SPAG9: variants seen among roughly 807,000 people sequenced by gnomAD.
SPAG9 encodes sperm associated antigen 9.
In SPAG9, 35 loss-of-function variants were observed where a neutral mutation model predicts 166.5. The observed-to-expected ratio is 0.21, with a 90% CI of 0.16 to 0.28. The LOEUF (loss-of-function observed/expected upper bound fraction) is 0.28, where lower values mean the gene tolerates loss of function less well. Ranked by LOEUF, SPAG9 falls within the 10% of genes least tolerant of loss-of-function variation. SPAG9 has a pLI of 1.00. For synonymous variants in SPAG9, 534 were observed against 565.5 expected, an observed-to-expected ratio of 0.94 and a Z score of 0.79; for missense variants, 1,235 against 1,603.3, an observed-to-expected ratio of 0.77 and a Z score of 3.92.
At chr17:51,046,722 T>TATC (rs2047034619) in intron 4 of SPAG9, 2 of 1,535,492 alleles carry the variant, frequency 1.3e-6, no homozygotes, top group Non-Finnish European at 1.7e-6. Flanking sequence ...GCCAAAGGGG[T>TATC]ATCTTTGTAG....
chr17:51,114,259 G>A (rs2049214891), intron 1 of SPAG9, among the ~76,000 whole-genome samples: 1 of 151,774 alleles, frequency 6.6e-6, no homozygotes, highest in Non-Finnish European at 1.5e-5. Context: ...CCTGGAAGGT[G>A]GGAGTTACAG....
chr17:51,097,086 C>A (rs574731320), intron 1 of SPAG9, among the ~76,000 whole-genome samples: 13 of 152,338 alleles, frequency 8.5e-5, no homozygotes, highest in African/African-American at 2.9e-4. Context: ...TGGTTTCATA[C>A]CTACGTAGTG....
chr17:50,968,798 T>TAC (rs1244645260), intron 29 of SPAG9, among the ~76,000 whole-genome samples: 2 of 152,200 alleles, frequency 1.3e-5, no homozygotes, highest in Non-Finnish European at 2.9e-5. Flanking sequence ...TACAAAGCAC[T>TAC]ACTCTTTCAC....
rs1010291106 is a variant in SPAG9 at position 51,114,342 on chromosome 17, A to T, written c.303+6012T>A. Among the ~76,000 whole-genome samples, 8 of 151,958 alleles carry T rather than the reference A, an allele frequency of 5.3e-5. No homozygotes were observed. In the East Asian group the frequency reaches 7.8e-4, roughly 15 times the overall value. On this transcript the variant is annotated intron_variant, in intron 1 of 29. Coordinates refer to ENST00000262013, the MANE Select transcript of SPAG9 (RefSeq NM_001130528.3). ...ACTCTGTCTCAAAAATAAATTTTTT[A>T]AAAAATGGGCCAGGCATGGTGGCTC...
chr17:50,974,571 G>A (rs147763127), intron 28 of SPAG9, among the ~76,000 whole-genome samples, 200 bp downstream of exon 28: 181 of 152,288 alleles, frequency 1.2e-3, no homozygotes, highest in African/African-American at 4.2e-3. Context: ...ATCTTTGGGG[G>A]TGGGAGAGAT....
chr17:51,068,959 G>A (rs1005057005), intron 2 of SPAG9, among the ~76,000 whole-genome samples: 8 of 152,074 alleles, frequency 5.3e-5, no homozygotes, highest in African/African-American at 1.9e-4. Flanking sequence ...GTTAGTGTTT[G>A]CAAAAACTAT....
rs549892729 is a variant in SPAG9 at position 50,995,749 on chromosome 17, T to G, written c.1969-216A>C. 5.9e-4 allele frequency: 293 copies of G among 500,124 alleles called. 1 individual carries two copies. Among genetic ancestry groups the G allele is most frequent in the African/African-American group, 5.2e-3 (266 of 50,740 alleles). The allele number at this position is 500,124 out of a possible 1,614,324, so 31.0% of individuals were successfully genotyped here. A position where few individuals can be genotyped will look rare whatever the true frequency, so the allele number is the denominator to read the frequency against. On this transcript the variant is annotated intron_variant, in intron 16 of 29. Coordinates refer to ENST00000262013, the MANE Select transcript of SPAG9 (RefSeq NM_001130528.3). ...TGATCATGGCTCACTGCAGCCTCAATCTGTCAGGCTTAAGCGGTCCCCTCC... is the reference window on the plus strand; with the variant it reads ...TGATCATGGCTCACTGCAGCCTCAAGCTGTCAGGCTTAAGCGGTCCCCTCC...
chr17:51,079,190 T>C (rs1160787604), intron 2 of SPAG9, among the ~76,000 whole-genome samples: 1 of 148,148 alleles, frequency 6.8e-6, no homozygotes, highest in Non-Finnish European at 1.5e-5. Flanking sequence ...AGAACCTTAG[T>C]CGAATTTCAG....
intron 28 of SPAG9, among the ~76,000 whole-genome samples, chr17:50,972,666 T>G (rs1266815089): frequency 6.6e-6 from 1 of 152,268 alleles, no homozygotes; most frequent in Non-Finnish European, 1.5e-5. Flanking sequence ...TGGACAGCCA[T>G]TAATGCGACA....
intron 1 of SPAG9, among the ~76,000 whole-genome samples, chr17:51,110,416 C>T (rs543785124): frequency 9.3e-5 from 14 of 149,904 alleles, no homozygotes; most frequent in Admixed American, 2.7e-4. Flanking sequence ...CCTAGCTGGA[C>T]GTGGTGGCTC....
chr17:51,006,297 T>A, intron 10 of SPAG9, 60 bp from the exon 11 acceptor site: 2 of 1,513,462 alleles, frequency 1.3e-6, no homozygotes, highest in Non-Finnish European at 1.8e-6. Context: ...ATCTTTCAGC[T>A]ATTCCTTTGT....
At chr17:51,000,057 C>T (rs929308198) in intron 13 of SPAG9, among the ~76,000 whole-genome samples, 1 of 152,248 alleles carries the variant, frequency 6.6e-6, no homozygotes, top group East Asian at 1.9e-4. Flanking sequence ...TAAAATATTG[C>T]CTTGTAAATT....
intron 1 of SPAG9, among the ~76,000 whole-genome samples, chr17:51,092,981 T>G (rs748569123): frequency 4.9e-4 from 74 of 151,172 alleles, no homozygotes; most frequent in Non-Finnish European, 9.6e-4. Flanking sequence ...GGCATTTTGT[T>G]GGTAACTGCT....
Position 51,005,202 on chromosome 17 carries a change from G to A in SPAG9, c.1476+10C>T, listed in dbSNP as rs56264945. On this transcript the variant is annotated intron_variant, in intron 12 of 29. Transcript: ENST00000262013. ...AAGGTAAGAAAAAAAGTCCAAAATT[G>A]TAAACCTACATCATCGTCATCTTTT... The A allele has an allele frequency of 8.9e-3, 14,379 of 1,613,220 alleles. 89 individuals carry two copies. Among genetic ancestry groups the A allele is most frequent in the Non-Finnish European group, 0.01 (12,328 of 1,179,376 alleles).
intron 15 of SPAG9, among the ~76,000 whole-genome samples, chr17:50,998,118 G>A (rs748223481): frequency 3.9e-5 from 5 of 126,626 alleles, no homozygotes; most frequent in African/African-American, 1.5e-4. Flanking sequence ...CTGCAACCCC[G>A]CCTCCTGGGT....
chr17:51,098,871 G>C (rs1598178943), intron 1 of SPAG9, among the ~76,000 whole-genome samples: 1 of 151,686 alleles, frequency 6.6e-6, no homozygotes, highest in African/African-American at 2.4e-5. Context: ...GGAGGCCAAG[G>C]CGGGCGGATC....
chr17:51,077,037 G>T (rs367664174), intron 2 of SPAG9, among the ~76,000 whole-genome samples: 94 of 108,610 alleles, frequency 8.7e-4, no homozygotes, highest in African/African-American at 1.1e-3. Flanking sequence ...TATCTATCTA[G>T]CTATCTAGCT....
intron 3 of SPAG9, among the ~76,000 whole-genome samples, chr17:51,055,140 G>A (rs1374991077): frequency 6.6e-6 from 1 of 152,120 alleles, no homozygotes; most frequent in Non-Finnish European, 1.5e-5. Flanking sequence ...CTGAGGTGAG[G>A]AGCTCAAGAC....
chr17:51,083,047 G>C (rs1424573457), intron 1 of SPAG9, among the ~76,000 whole-genome samples: 1 of 152,094 alleles, frequency 6.6e-6, no homozygotes, highest in South Asian at 2.1e-4. Context: ...GCATAGAGAA[G>C]AGCAGGCCTG....
Sources: allele counts gnomAD v4.1 joint callset (sites outside exome capture counted in the v4.1 genomes callset), GRCh38; gene constraint gnomAD v4.1.1; transcripts MANE v1.5; gene names NCBI Gene and HGNC (gene_info 2026-07-23, HGNC 2026-07-21).